Variants in DIAPH2 observed in about 807,000 individuals in gnomAD.
DIAPH2 encodes protein diaphanous homolog 2.
Under a neutral mutation model 92.7 loss-of-function variants are expected in DIAPH2, and 35 were observed. That is an observed-to-expected ratio of 0.38 (90% confidence interval 0.29 to 0.50). DIAPH2 has a LOEUF of 0.50. Among genes scored for constraint, DIAPH2 ranks in the 20% least tolerant of loss-of-function variants. DIAPH2 has a pLI of 0.94. For missense variants in DIAPH2, 701 were observed against 819.5 expected (o/e 0.86, Z 1.77); for synonymous variants, 301 against 280.4 (o/e 1.07, Z -0.73).
chrX:96,907,903 TAAAC>T (rs749911160), intron 5 of DIAPH2, among the ~76,000 whole-genome samples: 30 of 112,064 alleles, frequency 2.7e-4, no homozygotes, highest in African/African-American at 8.1e-4. Flanking sequence ...AATTAATAGA[TAAAC>T]AAATTGTGGT....
At chrX:96,693,907 C>T (rs752128939) in intron 1 of DIAPH2, among the ~76,000 whole-genome samples, 7 of 111,606 alleles carry the variant, frequency 6.3e-5, no homozygotes, top group South Asian at 3.8e-4. Flanking sequence ...TGATGGGAGA[C>T]GCCTGTAATC....
intron 21 of DIAPH2, 38 bp downstream of exon 21, chrX:97,115,003 ATCT>A (rs1476490674): frequency 1.8e-6 from 2 of 1,109,270 alleles, no homozygotes; most frequent in Non-Finnish European, 2.4e-6. Flanking sequence ...TACAACAATA[ATCT>A]TCTTGTCTAT....
intron 5 of DIAPH2, chrX:96,884,011 C>T: frequency 4.3e-6 from 1 of 233,896 alleles, no homozygotes. Context: ...CAACAGGGCT[C>T]CCCTCGTGTG....
intron 22 of DIAPH2, among the ~76,000 whole-genome samples, chrX:97,232,442 C>T (rs911936410): frequency 9.0e-6 from 1 of 111,505 alleles, no homozygotes; most frequent in African/African-American, 3.3e-5. Context: ...ACCATGTTGG[C>T]CAGGCTGGTC....
intron 26 of DIAPH2, among the ~76,000 whole-genome samples, chrX:97,497,054 T>C (rs1388135322): frequency 9.0e-6 from 1 of 110,967 alleles, no homozygotes; most frequent in Non-Finnish European, 1.9e-5. Flanking sequence ...TAATCAATGT[T>C]GACTTAACTG....
intron 26 of DIAPH2, among the ~76,000 whole-genome samples, chrX:97,559,904 G>GA (rs1338857601): frequency 8.9e-6 from 1 of 111,905 alleles, no homozygotes; most frequent in Non-Finnish European, 1.9e-5. Flanking sequence ...CATGCTTTAA[G>GA]AAAGAAGAGA....
intron 21 of DIAPH2, among the ~76,000 whole-genome samples, chrX:97,121,545 G>C (rs755278694): frequency 8.9e-6 from 1 of 112,220 alleles, no homozygotes; most frequent in South Asian, 3.7e-4. Flanking sequence ...TAGAGGATTT[G>C]TTATTAATAC....
At chrX:96,776,044 C>T (rs1198718763) in intron 4 of DIAPH2, among the ~76,000 whole-genome samples, 3 of 111,365 alleles carry the variant, frequency 2.7e-5, no homozygotes, top group Non-Finnish European at 5.7e-5. Flanking sequence ...TTTGTAAAAG[C>T]TGACGTCTTC....
At chrX:96,895,551 A>G (rs1444711462) in intron 5 of DIAPH2, among the ~76,000 whole-genome samples, 1 of 111,749 alleles carries the variant, frequency 8.9e-6, no homozygotes, top group Non-Finnish European at 1.9e-5. Context: ...TGTCTTAGAA[A>G]ACTCATCCAT....
intron 22 of DIAPH2, among the ~76,000 whole-genome samples, chrX:97,209,549 T>C (rs1462890150): frequency 1.8e-5 from 2 of 111,821 alleles, no homozygotes; most frequent in Non-Finnish European, 3.8e-5. Flanking sequence ...CGACTTCATA[T>C]GTCCTTCGTC....
intron 19 of DIAPH2, among the ~76,000 whole-genome samples, chrX:97,082,457 T>TAA (rs781034055): frequency 3.5e-5 from 3 of 85,780 alleles, no homozygotes; most frequent in African/African-American, 8.6e-5. Context: ...CCGACTCTAC[T>TAA]AAAAAAAAAA....
At chrX:96,959,312 T>G (rs770940149) in intron 16 of DIAPH2, among the ~76,000 whole-genome samples, 2 of 112,004 alleles carry the variant, frequency 1.8e-5, no homozygotes, top group African/African-American at 3.2e-5. Context: ...TAATAGCTAT[T>G]CTAACTGGCA....
chrX:97,546,304 T>G (rs2071180909), intron 26 of DIAPH2, among the ~76,000 whole-genome samples: 1 of 111,825 alleles, frequency 8.9e-6, no homozygotes, highest in Non-Finnish European at 1.9e-5. Flanking sequence ...TAGCTCTTAA[T>G]TTTCAGTTTT....
intron 4 of DIAPH2, among the ~76,000 whole-genome samples, chrX:96,784,816 A>G (rs975751631): frequency 2.7e-5 from 3 of 112,126 alleles, no homozygotes; most frequent in East Asian, 5.6e-4. Context: ...TAAATCATCA[A>G]TGCAGAGTGG....
At chrX:97,459,584 T>C (rs1161219961) in intron 26 of DIAPH2, among the ~76,000 whole-genome samples, 1 of 112,481 alleles carries the variant, frequency 8.9e-6, no homozygotes, top group Admixed American at 9.4e-5. Context: ...CTCATCATGA[T>C]AACATTGTCA....
chrX:97,058,330 C>G (rs1426697064), intron 17 of DIAPH2, among the ~76,000 whole-genome samples: 1 of 111,386 alleles, frequency 9.0e-6, no homozygotes, highest in Non-Finnish European at 1.9e-5. Flanking sequence ...TCCTACTAAA[C>G]TGATCAAGTG....
In DIAPH2 at chrX:97,369,247, C is replaced by T. The variant is rs776263882; in HGVS notation, c.3010-14662C>T. Among the ~76,000 whole-genome samples, 15 of 110,947 alleles carry T rather than the reference C, an allele frequency of 1.4e-4. No individual in the cohort carries two copies. The South Asian group carries it at 3.5e-3, about 26-fold the overall frequency. On this transcript the variant is annotated intron_variant, in intron 24 of 26. Coordinates refer to ENST00000324765, the MANE Select transcript of DIAPH2 (RefSeq NM_006729.5). Reference sequence around the variant, plus strand: ...AGAGGCTGTTAAACTAAGCCAACACCGAAGCAAATGTGCATAAAGGATATC... The same window carrying T: ...AGAGGCTGTTAAACTAAGCCAACACTGAAGCAAATGTGCATAAAGGATATC...
intron 26 of DIAPH2, among the ~76,000 whole-genome samples, chrX:97,499,413 T>C (rs777590235): frequency 8.9e-6 from 1 of 111,851 alleles, no homozygotes; most frequent in African/African-American, 3.2e-5. Context: ...TAATGTAGCT[T>C]TTTTCAAATT....
chrX:97,549,172 G>C (rs1324154498), intron 26 of DIAPH2, among the ~76,000 whole-genome samples: 1 of 111,885 alleles, frequency 8.9e-6, no homozygotes, highest in African/African-American at 3.2e-5. Flanking sequence ...AGGCAGGCTT[G>C]CTAAATAGCT....
Sources: gnomAD v4.1 joint callset for allele counts (sites outside exome capture counted in the v4.1 genomes callset) on GRCh38, gnomAD v4.1.1 for gene constraint, MANE v1.5 for transcripts, NCBI Gene and HGNC (gene_info 2026-07-23, HGNC 2026-07-21) for gene names.